The following LRMDA variants were observed in gnomAD, a reference collection of about 807,000 sequenced individuals.
LRMDA encodes leucine rich melanocyte differentiation associated.
Under a neutral mutation model 29.8 loss-of-function variants are expected in LRMDA, and 18 were observed. That is an observed-to-expected ratio of 0.60 (90% CI 0.42 to 0.90). The LOEUF (loss-of-function observed/expected upper bound fraction) is 0.90. Ranked by LOEUF, LRMDA falls within the 40% of genes least tolerant of loss-of-function variation. The probability of loss-of-function intolerance (pLI) is 0.00; values close to 1 mark genes in which losing one functional copy is unlikely to be tolerated. For synonymous variants in LRMDA, 125 were observed against 109.4 expected (o/e 1.14, Z -0.89); for missense variants, 273 against 273.9 (o/e 1.00, Z 0.02).
chr10:75,986,466 C>T (rs558232628), intron 2 of LRMDA, among the ~76,000 whole-genome samples: 19 of 152,268 alleles, frequency 1.2e-4, no homozygotes, highest in African/African-American at 4.1e-4. Context: ...TTGCAATGCT[C>T]GTTGTCATAT....
intron 2 of LRMDA, among the ~76,000 whole-genome samples, chr10:75,855,285 T>C (rs1297209332): frequency 1.3e-5 from 2 of 152,142 alleles, no homozygotes; most frequent in East Asian, 1.9e-4. Flanking sequence ...TGGTATCTCA[T>C]TGTGGTTTTG....
chr10:75,614,212 T>C (rs577181685), intron 2 of LRMDA, among the ~76,000 whole-genome samples: 1 of 152,308 alleles, frequency 6.6e-6, no homozygotes, highest in South Asian at 2.1e-4. Flanking sequence ...CCATTCTTTC[T>C]CACTCTTTGT....
intron 2 of LRMDA, among the ~76,000 whole-genome samples, chr10:75,627,175 T>A (rs1028543136): frequency 6.6e-6 from 1 of 152,248 alleles, no homozygotes; most frequent in Non-Finnish European, 1.5e-5. Flanking sequence ...TGTATTTTAT[T>A]TTCTATGTCT....
chr10:75,815,565 T>C (rs1228071138), intron 2 of LRMDA, among the ~76,000 whole-genome samples: 1 of 152,236 alleles, frequency 6.6e-6, no homozygotes, highest in African/African-American at 2.4e-5. Context: ...ATGGCCCTTC[T>C]GTTATGGTAA....
At chr10:75,894,502 T>A (rs1845550347) in intron 2 of LRMDA, among the ~76,000 whole-genome samples, 3 of 152,220 alleles carry the variant, frequency 2.0e-5, no homozygotes, top group Admixed American at 1.3e-4. Flanking sequence ...TGTGCAAGTA[T>A]CATTTTCATA....
intron 2 of LRMDA, among the ~76,000 whole-genome samples, chr10:75,975,176 T>G (rs1287042888): frequency 6.6e-6 from 1 of 152,246 alleles, no homozygotes; most frequent in Non-Finnish European, 1.5e-5. Flanking sequence ...CTGTAGACAC[T>G]GAGGACTGGA....
intron 2 of LRMDA, among the ~76,000 whole-genome samples, chr10:75,860,765 C>G (rs1844914574): frequency 6.6e-6 from 1 of 152,266 alleles, no homozygotes; most frequent in African/African-American, 2.4e-5. Flanking sequence ...TCAGAAGATA[C>G]AGGTTCTAAT....
intron 2 of LRMDA, among the ~76,000 whole-genome samples, chr10:75,877,270 G>A (rs1019927507): frequency 6.6e-6 from 1 of 152,202 alleles, no homozygotes; most frequent in African/African-American, 2.4e-5. Context: ...CTTTCTTGAA[G>A]TCTTCCTGGA....
rs67966004 is a variant in LRMDA at position 75,590,726 on chromosome 10, C to CTTTTTTTTTTTTTTT, written c.131+152260_131+152274dup. Among the ~76,000 whole-genome samples, 20 of 71,382 alleles carry CTTTTTTTTTTTTTTT rather than the reference C, an allele frequency of 2.8e-4. 4 individuals carry two copies. Among genetic ancestry groups the CTTTTTTTTTTTTTTT allele is most frequent in the Admixed American group, 4.2e-4 (2 of 4,730 alleles). The allele number at this position is 71,382 out of a possible 152,430, so 46.8% of individuals were successfully genotyped here. On this transcript the variant is annotated intron_variant, in intron 2 of 6. Coordinates refer to ENST00000611255, the MANE Select transcript of LRMDA (RefSeq NM_001305581.2). Reference sequence around the variant, plus strand: ...CTCCTAACTCTCACAATAAAATAGTCTTTTTTTTTTTTTTTTTTTTTTTTT... The same window carrying CTTTTTTTTTTTTTTT: ...CTCCTAACTCTCACAATAAAATAGTCTTTTTTTTTTTTTTTTTTTTTTTTTTTTTTTTTTTTTTTT...
At chr10:75,723,792 G>T (rs1163314274) in intron 2 of LRMDA, among the ~76,000 whole-genome samples, 1 of 152,182 alleles carries the variant, frequency 6.6e-6, no homozygotes, top group African/African-American at 2.4e-5. Context: ...TGGAAAATTT[G>T]ATAGTTGTTT....
intron 5 of LRMDA, among the ~76,000 whole-genome samples, chr10:76,240,025 G>A (rs549551016): frequency 1.3e-5 from 2 of 151,502 alleles, no homozygotes; most frequent in East Asian, 1.9e-4. Flanking sequence ...CAATATAGCC[G>A]GGAAATTTTT....
At chr10:75,830,056 GAGTGGGAAGC>G (rs1844313366) in intron 2 of LRMDA, among the ~76,000 whole-genome samples, 1 of 152,058 alleles carries the variant, frequency 6.6e-6, no homozygotes, top group Admixed American at 6.6e-5. Flanking sequence ...CAGTATGATG[GAGTGGGAAGC>G]ATTTTTGAGA....
intron 2 of LRMDA, among the ~76,000 whole-genome samples, chr10:75,714,525 C>A (rs1842474730): frequency 6.6e-6 from 1 of 152,182 alleles, no homozygotes; most frequent in Non-Finnish European, 1.5e-5. Context: ...TCATACATGG[C>A]CCAGAAATAA....
At chr10:75,721,374 T>G (rs907767274) in intron 2 of LRMDA, among the ~76,000 whole-genome samples, 2 of 152,240 alleles carry the variant, frequency 1.3e-5, no homozygotes, top group African/African-American at 4.8e-5. Context: ...AATGTATGTG[T>G]AATTTCTGTG....
chr10:76,425,297 G>A (rs1159006323), intron 6 of LRMDA, among the ~76,000 whole-genome samples: 1 of 152,082 alleles, frequency 6.6e-6, no homozygotes, highest in East Asian at 1.9e-4. Flanking sequence ...GAGTTCAGAT[G>A]TTTGAGTTCC....
chr10:75,988,094 G>A (rs576243909), intron 2 of LRMDA, among the ~76,000 whole-genome samples: 9 of 152,336 alleles, frequency 5.9e-5, no homozygotes, highest in South Asian at 2.1e-4. Flanking sequence ...CAGGAGGCAC[G>A]ATAGCTCCTC....
chr10:75,930,580 C>G (rs922172729), intron 2 of LRMDA, among the ~76,000 whole-genome samples: 1 of 152,182 alleles, frequency 6.6e-6, no homozygotes, highest in Non-Finnish European at 1.5e-5. Flanking sequence ...GACTGTTAGA[C>G]TGAAGGCTAT....
chr10:76,361,120 A>G (rs990795541), intron 6 of LRMDA, among the ~76,000 whole-genome samples: 1 of 151,864 alleles, frequency 6.6e-6, no homozygotes, highest in African/African-American at 2.4e-5. Context: ...AATTAGTTGG[A>G]TGCTGTGTTG....
chr10:76,018,567 GTTTT>G (rs765340066), intron 2 of LRMDA, among the ~76,000 whole-genome samples: 2 of 131,952 alleles, frequency 1.5e-5, no homozygotes, highest in Non-Finnish European at 3.2e-5. Flanking sequence ...GGCTTCTGAA[GTTTT>G]TTTTTTTTTT....
Sources: allele counts gnomAD v4.1 joint callset (sites outside exome capture counted in the v4.1 genomes callset), GRCh38; gene constraint gnomAD v4.1.1; transcripts MANE v1.5; gene names NCBI Gene and HGNC (gene_info 2026-07-23, HGNC 2026-07-21).